CNTNAP2: variants seen among roughly 807,000 people sequenced by gnomAD.
CNTNAP2 encodes the protein contactin-associated protein-like 2.
In CNTNAP2, 98 loss-of-function variants were observed where a neutral mutation model predicts 155.2. The observed-to-expected ratio is 0.63, with a 90% CI of 0.54 to 0.75. The LOEUF is 0.75. Among genes scored for constraint, CNTNAP2 ranks in the 30% least tolerant of loss-of-function variants. CNTNAP2 has a pLI of 0.00. For synonymous variants in CNTNAP2, 651 were observed against 631.2 expected, an observed-to-expected ratio of 1.03 and a Z score of -0.47; for missense variants, 1,727 against 1,688.1, an observed-to-expected ratio of 1.02 and a Z score of -0.40.
chr7:148,036,561 A>C (rs1185491834), intron 15 of CNTNAP2, among the ~76,000 whole-genome samples: 3 of 152,084 alleles, frequency 2.0e-5, no homozygotes, highest in Non-Finnish European at 4.4e-5. Context: ...CTCACAAGAC[A>C]CGGATGCCTT....
chr7:146,682,354 T>G (rs1234686327), intron 1 of CNTNAP2, among the ~76,000 whole-genome samples: 1 of 152,180 alleles, frequency 6.6e-6, no homozygotes, highest in Non-Finnish European at 1.5e-5. Flanking sequence ...TACATTAATC[T>G]TTGTACACTG....
At chr7:147,466,795 G>A (rs554610193) in intron 10 of CNTNAP2, among the ~76,000 whole-genome samples, 44 of 152,218 alleles carry the variant, frequency 2.9e-4, no homozygotes, top group African/African-American at 9.6e-4. Context: ...GCGGGTGCCT[G>A]TAATCCCAGC....
chr7:147,968,939 G>T (rs1005711462), intron 14 of CNTNAP2, among the ~76,000 whole-genome samples: 1 of 152,208 alleles, frequency 6.6e-6, no homozygotes, highest in Non-Finnish European at 1.5e-5. Context: ...GGCTTTATAG[G>T]CAGAAAAGGT....
chr7:148,347,925 C>A (rs555377461), intron 21 of CNTNAP2, among the ~76,000 whole-genome samples: 6 of 152,158 alleles, frequency 3.9e-5, no homozygotes, highest in African/African-American at 1.4e-4. Context: ...CTGTAGTTCT[C>A]GTCAATTCAA....
intron 1 of CNTNAP2, among the ~76,000 whole-genome samples, chr7:146,570,103 C>G (rs1026267926): frequency 2.0e-5 from 3 of 152,142 alleles, no homozygotes; most frequent in African/African-American, 4.8e-5. Flanking sequence ...TTGGAGTTCT[C>G]TTTGCCCTAT....
intron 3 of CNTNAP2, among the ~76,000 whole-genome samples, chr7:146,864,165 A>G (rs1795157876): frequency 6.6e-6 from 1 of 152,118 alleles, no homozygotes; most frequent in South Asian, 2.1e-4. Context: ...TTACAAAAGA[A>G]TAAAATTAGA....
intron 13 of CNTNAP2, among the ~76,000 whole-genome samples, chr7:147,699,455 TG>T (rs1001844705): frequency 3.3e-5 from 5 of 150,992 alleles, no homozygotes; most frequent in African/African-American, 1.2e-4. Flanking sequence ...TGTCGTGGGG[TG>T]GGGGGCAAGG....
At chr7:146,552,563 C>T (rs911398277) in intron 1 of CNTNAP2, among the ~76,000 whole-genome samples, 6 of 152,114 alleles carry the variant, frequency 3.9e-5, no homozygotes, top group African/African-American at 1.2e-4. Flanking sequence ...CAGAAAGATC[C>T]TGTTAATTTA....
Position 147,004,576 on chromosome 7 carries a change from A to G in CNTNAP2, c.403-39331A>G, listed in dbSNP as rs909639224. On this transcript the variant is annotated intron_variant, in intron 3 of 23. Transcript: ENST00000361727. ...GAAGAGAAATTTTGCCTCATATACT[A>G]CTTAAAAGTCTAGGTTGGTACAATC... Among the ~76,000 whole-genome samples, 9 of 152,042 alleles carry G rather than the reference A, an allele frequency of 5.9e-5. No homozygotes were observed. In the South Asian group the frequency reaches 1.0e-3, roughly 17 times the overall value.
chr7:146,457,520 A>G lies in CNTNAP2; in HGVS notation c.98-316751A>G, dbSNP rs1222734153. Among the ~76,000 whole-genome samples the G allele has an allele frequency of 1.1e-3, 62 of 55,246 alleles. 2 individuals are homozygous for G. Among genetic ancestry groups the G allele is most frequent in the Non-Finnish European group, 1.9e-3 (50 of 26,954 alleles). 36.2% of individuals were successfully genotyped at this position (55,246 alleles called of 152,430 possible). Reference sequence around the variant, plus strand: ...TATATATATATATATATATATATATATATATATATATATATAGTCACCCAG... The same window carrying G: ...TATATATATATATATATATATATATGTATATATATATATATAGTCACCCAG... On this transcript the variant is annotated intron_variant, in intron 1 of 23. Transcript: ENST00000361727.
intron 13 of CNTNAP2, among the ~76,000 whole-genome samples, chr7:147,830,369 A>G (rs980054296): frequency 3.3e-5 from 5 of 151,994 alleles, no homozygotes; most frequent in Non-Finnish European, 5.9e-5. Context: ...GGCCTCTTGT[A>G]TAAGGTCACT....
intron 12 of CNTNAP2, among the ~76,000 whole-genome samples, chr7:147,635,900 G>A (rs1563032385): frequency 6.6e-6 from 1 of 151,660 alleles, no homozygotes; most frequent in African/African-American, 2.4e-5. Context: ...AGATTTGTGA[G>A]AAAAAAAATA....
At chr7:146,736,682 T>A (rs1801626037) in intron 1 of CNTNAP2, among the ~76,000 whole-genome samples, 1 of 152,174 alleles carries the variant, frequency 6.6e-6, no homozygotes, top group Non-Finnish European at 1.5e-5. Context: ...AATACTGAAG[T>A]GCTAAGCATG....
intron 3 of CNTNAP2, among the ~76,000 whole-genome samples, chr7:146,855,669 A>T (rs995823700): frequency 8.6e-5 from 13 of 151,808 alleles, no homozygotes; most frequent in Non-Finnish European, 1.9e-4. Flanking sequence ...ATTTAAATGT[A>T]CTGTAAATTG....
chr7:147,528,808 A>C (rs11764315), intron 11 of CNTNAP2, among the ~76,000 whole-genome samples: 39,409 of 152,102 alleles, frequency 0.26, 5,520 homozygotes, highest in African/African-American at 0.35. Context: ...ACCAATCCGA[A>C]CAAGCTAGTA....
At chr7:147,888,743 A>G (rs1321987448) in intron 13 of CNTNAP2, among the ~76,000 whole-genome samples, 1 of 144,596 alleles carries the variant, frequency 6.9e-6, no homozygotes, top group East Asian at 2.0e-4. Flanking sequence ...GAAAATAACC[A>G]TTGACCTTGA....
At chr7:146,773,386 G>A (rs942325733) in intron 1 of CNTNAP2, among the ~76,000 whole-genome samples, 2 of 152,038 alleles carry the variant, frequency 1.3e-5, no homozygotes, top group African/African-American at 2.4e-5. Context: ...ACTTGCTGAT[G>A]TCTAGTTCTT....
chr7:146,661,294 T>TA (rs1224039647), intron 1 of CNTNAP2, among the ~76,000 whole-genome samples: 1 of 152,120 alleles, frequency 6.6e-6, no homozygotes, highest in Non-Finnish European at 1.5e-5. Context: ...GTTTTTTTTT[T>TA]AATTGGGTTC....
chr7:148,108,462 G>A (rs1191764974), intron 15 of CNTNAP2, among the ~76,000 whole-genome samples: 1 of 152,142 alleles, frequency 6.6e-6, no homozygotes, highest in African/African-American at 2.4e-5. Context: ...GAGGACAAAA[G>A]GGCAGACATG....
Sources: gnomAD v4.1 joint callset for allele counts (sites outside exome capture counted in the v4.1 genomes callset) on GRCh38, gnomAD v4.1.1 for gene constraint, MANE v1.5 for transcripts, NCBI Gene and HGNC (gene_info 2026-07-23, HGNC 2026-07-21) for gene names.